PARD3B: variants seen among roughly 807,000 people sequenced by gnomAD.
The protein encoded by PARD3B is par-3 family cell polarity regulator beta.
A neutral mutation model predicts 130.2 loss-of-function variants in PARD3B; 103 were observed. That is an observed-to-expected ratio of 0.79 (90% confidence interval 0.67 to 0.93). The LOEUF is 0.93. Ranked by LOEUF, PARD3B falls within the 40% of genes least tolerant of loss-of-function variation. The probability of loss-of-function intolerance (pLI) is 0.00; values close to 1 mark genes in which losing one functional copy is unlikely to be tolerated. For synonymous variants in PARD3B, 583 were observed against 553.2 expected (o/e 1.05, Z -0.76); for missense variants, 1,609 against 1,499.2 (o/e 1.07, Z -1.21).
intron 20 of PARD3B, among the ~76,000 whole-genome samples, chr2:205,497,398 G>C (rs1430146253): frequency 7.0e-6 from 1 of 142,116 alleles, no homozygotes; most frequent in Non-Finnish European, 1.5e-5. Context: ...TGAGAAGAAT[G>C]CTTTTCCTCC....
In PARD3B at chr2:205,109,794, C is replaced by A. The variant is rs765238226; in HGVS notation, c.594-3697C>A. Among the ~76,000 whole-genome samples, 33 of 151,794 alleles carry A rather than the reference C, an allele frequency of 2.2e-4. 1 individual carries two copies. The highest frequency in any genetic ancestry group is 2.5e-4 in the Non-Finnish European group (17 of 67,966). On this transcript the variant is annotated intron_variant, in intron 5 of 22. Transcript: ENST00000406610. The stretch of plus-strand genomic sequence containing the variant: ...TCAGCCTCCCGAGTAGCTGGGACTA[C>A]AAGTGTGTGCCACCACACCCTGCTA...
intron 2 of PARD3B, among the ~76,000 whole-genome samples, chr2:204,862,483 G>A (rs374997977): frequency 5.3e-5 from 8 of 152,256 alleles, no homozygotes; most frequent in African/African-American, 1.9e-4. Context: ...CTTGATACCC[G>A]ATTCCACATT....
At chr2:204,870,673 A>G (rs1431329739) in intron 2 of PARD3B, among the ~76,000 whole-genome samples, 1 of 152,196 alleles carries the variant, frequency 6.6e-6, no homozygotes, top group Non-Finnish European at 1.5e-5. Context: ...TTTTCTTTTA[A>G]GCTCTGTGAA....
chr2:204,932,995 A>G (rs1003034676), intron 2 of PARD3B, among the ~76,000 whole-genome samples: 1 of 152,168 alleles, frequency 6.6e-6, no homozygotes, highest in African/African-American at 2.4e-5. Flanking sequence ...TAAATCCTGT[A>G]TGGCAAAATT....
chr2:205,068,070 TC>T (rs1700497855), intron 4 of PARD3B, among the ~76,000 whole-genome samples: 1 of 152,196 alleles, frequency 6.6e-6, no homozygotes, highest in Admixed American at 6.5e-5. Context: ...TTGGGTTTTC[TC>T]CCATTATCTG....
intron 16 of PARD3B, among the ~76,000 whole-genome samples, chr2:205,294,931 T>TA: frequency 6.6e-6 from 1 of 152,300 alleles, no homozygotes; most frequent in East Asian, 1.9e-4. Context: ...GGCAAGAAGG[T>TA]AATTAGGCCC....
At chr2:204,836,608 C>T (rs1402711448) in intron 2 of PARD3B, among the ~76,000 whole-genome samples, 1 of 152,100 alleles carries the variant, frequency 6.6e-6, no homozygotes, top group Non-Finnish European at 1.5e-5. Context: ...AGTTGGTGCG[C>T]CAAGATCGTG....
At chr2:205,436,216 C>T (rs945306520) in intron 19 of PARD3B, among the ~76,000 whole-genome samples, 20 of 152,196 alleles carry the variant, frequency 1.3e-4, no homozygotes, top group Non-Finnish European at 2.5e-4. Context: ...CCAAAACCTC[C>T]TCTTAATACT....
At chr2:205,420,139 G>C (rs890967380) in intron 19 of PARD3B, among the ~76,000 whole-genome samples, 16 of 152,166 alleles carry the variant, frequency 1.1e-4, no homozygotes, top group African/African-American at 3.9e-4. Flanking sequence ...TAGGGTTCCA[G>C]GTGGAATTGA....
Position 205,289,660 on chromosome 2 carries a change from T to C in PARD3B, c.2186-10870T>C, listed in dbSNP as rs547283311. On this transcript the variant is annotated intron_variant, in intron 16 of 22. Transcript: ENST00000406610. Reference sequence around the variant, plus strand: ...CAGCAGCGTGGAGATAGGTGGGACCTTTGGGAGATGACTGAGTCATGAGGC... The same window carrying C: ...CAGCAGCGTGGAGATAGGTGGGACCCTTGGGAGATGACTGAGTCATGAGGC... 6.6e-5 allele frequency among the ~76,000 whole-genome samples: 10 copies of C among 152,000 alleles called. No individual in the cohort carries two copies. In the East Asian group the frequency reaches 1.9e-3, roughly 29 times the overall value.
At chr2:204,881,774 C>T (rs1183199120) in intron 2 of PARD3B, among the ~76,000 whole-genome samples, 2 of 152,198 alleles carry the variant, frequency 1.3e-5, no homozygotes, top group Non-Finnish European at 2.9e-5. Context: ...GATTTTGCAA[C>T]CCAGAGTCAG....
chr2:205,570,969 C>A (rs867486644), intron 22 of PARD3B, among the ~76,000 whole-genome samples: 4 of 152,048 alleles, frequency 2.6e-5, no homozygotes, highest in African/African-American at 9.7e-5. Flanking sequence ...AATATTAAAC[C>A]ATAGCCACTC....
chr2:205,469,568 AAGGTTGTTT>A (rs2048752658), intron 20 of PARD3B, among the ~76,000 whole-genome samples: 11 of 152,278 alleles, frequency 7.2e-5, no homozygotes, highest in Middle Eastern at 3.4e-3. Context: ...TAAGGGGAAC[AAGGTTGTTT>A]GTACTGTCCA....
chr2:205,555,891 C>T (rs2052859995), intron 22 of PARD3B, among the ~76,000 whole-genome samples: 1 of 152,174 alleles, frequency 6.6e-6, no homozygotes, highest in Non-Finnish European at 1.5e-5. Context: ...GCATTGCACC[C>T]TGGTCCATGG....
chr2:204,795,145 A>C (rs556565137), intron 2 of PARD3B, among the ~76,000 whole-genome samples: 13 of 152,300 alleles, frequency 8.5e-5, no homozygotes, highest in African/African-American at 3.1e-4. Context: ...CTAGAGCTTA[A>C]GCTTAGGTTA....
chr2:205,147,344 C>T (rs1355774163), intron 10 of PARD3B, among the ~76,000 whole-genome samples: 2 of 152,098 alleles, frequency 1.3e-5, no homozygotes, highest in Non-Finnish European at 2.9e-5. Flanking sequence ...GAGAGGGTTA[C>T]TGTAGGAATC....
chr2:204,754,803 A>T (rs1230861438), intron 2 of PARD3B, among the ~76,000 whole-genome samples: 1 of 152,150 alleles, frequency 6.6e-6, no homozygotes, highest in Non-Finnish European at 1.5e-5. Flanking sequence ...GAGGCCAAAT[A>T]AGCTTCAAAG....
chr2:204,695,699 G>A lies in PARD3B; in HGVS notation c.222+9417G>A, dbSNP rs2037578696. Among the ~76,000 whole-genome samples, 3 of 151,986 alleles carry A rather than the reference G, an allele frequency of 2.0e-5. No homozygotes were observed. In the South Asian group the frequency reaches 6.2e-4, roughly 31 times the overall value. On this transcript the variant is annotated intron_variant, in intron 2 of 22. Transcript: ENST00000406610. The stretch of plus-strand genomic sequence containing the variant: ...TTCCTCGTGTAGCAGCAGCCCTGAG[G>A]TATTTAAGCAAACATTTCTGCATAG...
At chr2:204,919,702 TCTC>T (rs1308178960) in intron 2 of PARD3B, among the ~76,000 whole-genome samples, 2 of 152,182 alleles carry the variant, frequency 1.3e-5, no homozygotes, top group Non-Finnish European at 2.9e-5. Flanking sequence ...AATATGACCT[TCTC>T]CTTTTAAAAT....
Sources: gnomAD v4.1 joint callset for allele counts (sites outside exome capture counted in the v4.1 genomes callset) on GRCh38, gnomAD v4.1.1 for gene constraint, MANE v1.5 for transcripts, NCBI Gene and HGNC (gene_info 2026-07-23, HGNC 2026-07-21) for gene names.